ST18: variants seen among roughly 807,000 people sequenced by gnomAD.
ST18 encodes ST18 C2H2C-type zinc finger transcription factor.
ST18 carries 50 observed loss-of-function variants against 110.0 expected under a neutral mutation model. The ratio of observed to expected loss-of-function variants is 0.45; its 90% confidence interval spans 0.36 to 0.58. The LOEUF (loss-of-function observed/expected upper bound fraction) is 0.58. ST18 is among the 20% of genes least tolerant of loss of function. ST18 has a pLI of 0.00. For synonymous variants in ST18, 461 were observed against 452.4 expected, an observed-to-expected ratio of 1.02 and a Z score of -0.24; for missense variants, 1,306 against 1,280.1, an observed-to-expected ratio of 1.02 and a Z score of -0.31.
intron 22 of ST18, among the ~76,000 whole-genome samples, chr8:52,126,437 G>A (rs930008549): frequency 2.0e-5 from 3 of 152,150 alleles, no homozygotes; most frequent in Non-Finnish European, 4.4e-5. Flanking sequence ...ATTCAAGTAA[G>A]TTCTTTTGTT....
intron 2 of ST18, among the ~76,000 whole-genome samples, chr8:52,384,805 G>A (rs1835915458): frequency 1.3e-5 from 2 of 151,794 alleles, no homozygotes; most frequent in Non-Finnish European, 2.9e-5. Flanking sequence ...GTGTGTGTGT[G>A]TGTGTGTGTA....
chr8:52,244,257 G>A (rs559555477), intron 2 of ST18, among the ~76,000 whole-genome samples: 78 of 152,174 alleles, frequency 5.1e-4, no homozygotes, highest in Non-Finnish European at 9.3e-4. Context: ...ATCGAAACCC[G>A]CACGCTGTTC....
At chr8:52,295,643 A>G (rs2095621480) in intron 2 of ST18, among the ~76,000 whole-genome samples, 1 of 151,872 alleles carries the variant, frequency 6.6e-6, no homozygotes, top group African/African-American at 2.4e-5. Context: ...AGTAAGGTCA[A>G]ACACTGAAAA....
chr8:52,335,100 A>AT (rs1024796116), intron 2 of ST18, among the ~76,000 whole-genome samples: 11 of 152,194 alleles, frequency 7.2e-5, no homozygotes, highest in Admixed American at 2.0e-4. Flanking sequence ...TTATTTTCTT[A>AT]TTTTTTTCCC....
intron 16 of ST18, among the ~76,000 whole-genome samples, chr8:52,143,403 T>A (rs1365343963): frequency 2.0e-5 from 3 of 152,026 alleles, no homozygotes. Context: ...GAGAATTGCG[T>A]GAACCCGGGA....
intron 3 of ST18, among the ~76,000 whole-genome samples, chr8:52,229,103 C>G (rs2090511662): frequency 6.6e-6 from 1 of 152,160 alleles, no homozygotes; most frequent in Non-Finnish European, 1.5e-5. Flanking sequence ...CAGTCTTAGC[C>G]TCTCAAGAAC....
At chr8:52,189,301 A>T (rs1023555275) in intron 8 of ST18, among the ~76,000 whole-genome samples, 1 of 152,180 alleles carries the variant, frequency 6.6e-6, no homozygotes, top group Admixed American at 6.5e-5. Context: ...ATGGAATATC[A>T]ACTTGGATAA....
At chr8:52,351,013 C>T (rs1232219686) in intron 2 of ST18, among the ~76,000 whole-genome samples, 1 of 152,148 alleles carries the variant, frequency 6.6e-6, no homozygotes, top group Non-Finnish European at 1.5e-5. Flanking sequence ...AGCCACCGTG[C>T]CTGGCCGTCT....
chr8:52,376,240 G>A (rs554479790), intron 2 of ST18, among the ~76,000 whole-genome samples: 97 of 152,246 alleles, frequency 6.4e-4, no homozygotes, highest in African/African-American at 2.2e-3. Context: ...CTAAGGGACC[G>A]TGTAGTTCAT....
chr8:52,193,727 G>A (rs2075307744), intron 8 of ST18, among the ~76,000 whole-genome samples: 1 of 152,210 alleles, frequency 6.6e-6, no homozygotes, highest in African/African-American at 2.4e-5. Flanking sequence ...GAGTTAACGG[G>A]CCACTGTAAA....
intron 2 of ST18, among the ~76,000 whole-genome samples, chr8:52,322,703 A>T (rs919040787): frequency 6.6e-6 from 1 of 152,214 alleles, no homozygotes; most frequent in East Asian, 1.9e-4. Flanking sequence ...AGTAGAGTAG[A>T]TAAAATAAAG....
intron 8 of ST18, among the ~76,000 whole-genome samples, chr8:52,207,847 A>T (rs1182596610): frequency 6.6e-6 from 1 of 152,234 alleles, no homozygotes; most frequent in Non-Finnish European, 1.5e-5. Flanking sequence ...GTGTAAAAAC[A>T]CTTTGCCAAT....
intron 2 of ST18, among the ~76,000 whole-genome samples, chr8:52,276,139 C>CCACACACACATCA (rs1352917510): frequency 1.4e-4 from 1 of 7,078 alleles, no homozygotes; most frequent in Non-Finnish European, 3.7e-4. Context: ...CACACACACA[C>CCACACACACATCA]CACATGCACA....
chr8:52,303,527 A>G (rs1255437575), intron 2 of ST18, among the ~76,000 whole-genome samples: 1 of 152,226 alleles, frequency 6.6e-6, no homozygotes, highest in Admixed American at 6.5e-5. Context: ...TTTTGGGGGC[A>G]TGCGATTCAG....
chr8:52,267,295 G>T (rs1290854083), intron 2 of ST18, among the ~76,000 whole-genome samples: 1 of 151,898 alleles, frequency 6.6e-6, no homozygotes, highest in Non-Finnish European at 1.5e-5. Context: ...AGGACCCTGG[G>T]CTGGGGCTGG....
intron 2 of ST18, among the ~76,000 whole-genome samples, chr8:52,294,094 A>G (rs2095596335): frequency 1.3e-5 from 2 of 152,192 alleles, no homozygotes; most frequent in African/African-American, 2.4e-5. Context: ...TTATCTGTTT[A>G]GGTGAATTTC....
intron 10 of ST18, among the ~76,000 whole-genome samples, chr8:52,168,626 G>C (rs1376388231): frequency 1.3e-5 from 2 of 152,124 alleles, no homozygotes; most frequent in East Asian, 3.9e-4. Context: ...AGTCTTAAAT[G>C]AGCAACGAAC....
intron 2 of ST18, among the ~76,000 whole-genome samples, chr8:52,348,304 T>C (rs1246143839): frequency 6.6e-6 from 1 of 152,172 alleles, no homozygotes; most frequent in Non-Finnish European, 1.5e-5. Context: ...TTCAGCCTCA[T>C]TGGAACTAAG....
At chr8:52,136,467 G>C in intron 19 of ST18, 123 bp downstream of exon 19, 1 of 928,812 alleles carries the variant, frequency 1.1e-6, no homozygotes, top group Non-Finnish European at 1.7e-6. Context: ...AAGTGCCTTT[G>C]CTGTGATCCT....
Sources: gnomAD v4.1 joint callset for allele counts (sites outside exome capture counted in the v4.1 genomes callset) on GRCh38, gnomAD v4.1.1 for gene constraint, MANE v1.5 for transcripts, NCBI Gene and HGNC (gene_info 2026-07-23, HGNC 2026-07-21) for gene names.